U2SURP: variants seen among roughly 807,000 people sequenced by gnomAD.
U2SURP encodes the protein U2 snRNP-associated SURP motif-containing protein.
U2SURP carries 9 observed loss-of-function variants against 144.9 expected under a neutral mutation model. The observed-to-expected ratio is 0.06, with a 90% confidence interval of 0.04 to 0.11. U2SURP has a LOEUF of 0.11. Among genes scored for constraint, U2SURP ranks in the 10% least tolerant of loss-of-function variants. The probability of loss-of-function intolerance (pLI) is 1.00; values close to 1 mark genes in which losing one functional copy is unlikely to be tolerated. For synonymous variants in U2SURP, 408 were observed against 396.8 expected (o/e 1.03, Z -0.33); for missense variants, 724 against 1,226.7 (o/e 0.59, Z 6.12).
chr3:143,046,236 A>G (rs979047174), intron 24 of U2SURP, among the ~76,000 whole-genome samples: 9 of 111,074 alleles, frequency 8.1e-5, no homozygotes, highest in Admixed American at 1.7e-4. Flanking sequence ...TCTTGTACCT[A>G]TATGATGTTG....
intron 13 of U2SURP, among the ~76,000 whole-genome samples, 171 bp downstream of exon 13, chr3:143,024,189 A>G (rs112510877): frequency 0.026 from 3,982 of 152,150 alleles, 173 homozygotes; most frequent in African/African-American, 0.088. Flanking sequence ...ATACTTTGCA[A>G]TTTTATGTCA....
chr3:143,043,772 A>AT (rs559942509), intron 24 of U2SURP, among the ~76,000 whole-genome samples: 6,585 of 140,668 alleles, frequency 0.047, 270 homozygotes, highest in African/African-American at 0.1. Context: ...TGAGAAATCC[A>AT]TTTTTTTTTT....
chr3:143,024,138 A>G (rs1578133461), intron 13 of U2SURP, 120 bp downstream of exon 13: 1 of 886,500 alleles, frequency 1.1e-6, no homozygotes, highest in East Asian at 2.5e-5. Context: ...CCTTCCCAGT[A>G]CTTTTTGCGG....
intron 25 of U2SURP, 122 bp from the exon 26 acceptor site, chr3:143,053,554 T>A: frequency 1.4e-6 from 1 of 715,878 alleles, no homozygotes; most frequent in Non-Finnish European, 2.1e-6. Context: ...TTTTTAATAG[T>A]ATTGTACCTT....
In U2SURP at chr3:143,044,289, C is replaced by CTTTTTTTTTTTTTTTTTTTTTTT. The variant is rs56916268; in HGVS notation, c.2544+1030_2544+1031insTTTTTTTTTTTTTTTTTTTTTTT. Among the ~76,000 whole-genome samples, 11 of 81,376 alleles carry CTTTTTTTTTTTTTTTTTTTTTTT rather than the reference C, an allele frequency of 1.4e-4. 1 individual carries two copies. The highest frequency in any genetic ancestry group is 6.4e-4 in the African/African-American group (11 of 17,294). The allele number at this position is 81,376 out of a possible 152,430, so 53.4% of individuals were successfully genotyped here. A position where few individuals can be genotyped will look rare whatever the true frequency, so the allele number is the denominator to read the frequency against. On this transcript the variant is annotated intron_variant, in intron 24 of 27. Coordinates refer to ENST00000473835, the MANE Select transcript of U2SURP (RefSeq NM_001080415.2). ...TTTCCCTTTTCCCCTCTCCCCTCTC[C>CTTTTTTTTTTTTTTTTTTTTTTT]TTTTTTTTTTTTTTTTTGAGACGGG...
chr3:143,021,313 T>C, intron 8 of U2SURP, 37 bp from the exon 9 acceptor site: 2 of 1,562,464 alleles, frequency 1.3e-6, no homozygotes, highest in Non-Finnish European at 8.7e-7. Context: ...TACTGTATTA[T>C]AAAAACTAAT....
At chr3:143,051,136 C>A in intron 25 of U2SURP, 87 bp downstream of exon 25, 1 of 730,484 alleles carries the variant, frequency 1.4e-6, no homozygotes, top group Middle Eastern at 2.9e-4. Flanking sequence ...AAGATGATTT[C>A]AAATTATATC....
chr3:143,006,380 GACAAGTCAAGTATATTGAGACTC>G (rs1435366133), intron 1 of U2SURP, among the ~76,000 whole-genome samples: 1 of 152,166 alleles, frequency 6.6e-6, no homozygotes, highest in Non-Finnish European at 1.5e-5. Context: ...CACTTGTTCT[GACAAGTCAAGTATATTGAGACTC>G]TGTCGCTTGC....
At chr3:143,052,950 G>T (rs1426982860) in intron 25 of U2SURP, among the ~76,000 whole-genome samples, 17 of 132,920 alleles carry the variant, frequency 1.3e-4, no homozygotes, top group Non-Finnish European at 1.7e-4. Context: ...AAATGTGTTG[G>T]TTTTTTTTTT....
chr3:143,038,856 ACCT>A, intron 22 of U2SURP, 35 bp from the exon 23 acceptor site: 2 of 1,469,702 alleles, frequency 1.4e-6, no homozygotes, highest in Non-Finnish European at 1.8e-6. Context: ...ATGCTAGTTT[ACCT>A]CGTGGAATTA....
rs772938957 is a variant in U2SURP at position 143,060,724 on chromosome 3, G to T, written c.*4274G>T. ...TAATCATATGTTTTCATGCTAGATG[G>T]TTCTCTTGGTTAGGAAAGTTCATTT... On this transcript the variant is annotated 3_prime_UTR_variant, in exon 28 of 28. Coordinates refer to ENST00000473835, the MANE Select transcript of U2SURP (RefSeq NM_001080415.2). Among the ~76,000 whole-genome samples, 9 of 151,904 alleles carry T rather than the reference G, an allele frequency of 5.9e-5. No individual in the cohort carries two copies. Among genetic ancestry groups the T allele is most frequent in the Non-Finnish European group, 8.8e-5 (6 of 67,846 alleles).
chr3:143,008,621 G>C (rs937986827), intron 1 of U2SURP, among the ~76,000 whole-genome samples: 1 of 152,122 alleles, frequency 6.6e-6, no homozygotes, highest in African/African-American at 2.4e-5. Flanking sequence ...GATTTTTCTC[G>C]AAGTTTTTGT....
rs776917731 is a variant in U2SURP at position 143,020,186 on chromosome 3, AT to A, written c.638+151del. 146 of 533,244 alleles carry A rather than the reference AT, an allele frequency of 2.7e-4. 1 individual carries two copies. The highest frequency in any genetic ancestry group is 4.4e-4 in the Middle Eastern group (1 of 2,292). 33.0% of individuals were successfully genotyped at this position (533,244 alleles called of 1,614,324 possible). On this transcript the variant is annotated intron_variant, in intron 7 of 27. Transcript: ENST00000473835. ...TAGATATTATAATATTTGGTGGGCT[AT>A]CTTTGAAAATAAATTAGCATTTAGT...
At chr3:143,011,868 C>CT in intron 2 of U2SURP, 3 of 440,432 alleles carry the variant, frequency 6.8e-6, no homozygotes, top group Admixed American at 5.4e-5. Context: ...AAACTAGCTG[C>CT]TTTTTTCATG....
intron 27 of U2SURP, among the ~76,000 whole-genome samples, chr3:143,055,419 A>G (rs1251993221): frequency 6.6e-6 from 1 of 152,132 alleles, no homozygotes; most frequent in Non-Finnish European, 1.5e-5. Flanking sequence ...TAGTTTCTAT[A>G]GAATATTATT....
At chr3:143,049,099 A>AG (rs1934702829) in intron 24 of U2SURP, among the ~76,000 whole-genome samples, 1 of 151,370 alleles carries the variant, frequency 6.6e-6, no homozygotes, top group Admixed American at 6.6e-5. Context: ...TGCTTAAAAA[A>AG]AAAAAAAAAA....
In U2SURP at chr3:143,053,698, G is replaced by T; in HGVS notation, c.2678G>T (p.Arg893Ile). 1 of 1,523,120 alleles carries T rather than the reference G, an allele frequency of 6.6e-7. No homozygotes were observed. The allele number at this position is 1,523,120 out of a possible 1,614,324, so 94.4% of individuals were successfully genotyped here. A position where few individuals can be genotyped will look rare whatever the true frequency, so the allele number is the denominator to read the frequency against. ...LQREKEKELE[R>I]ERERDKKDKE... ...CAGGAGAAAGAGAAAGAGTTAGAAA[G>T]AGAACGAGAAAGAGACAAGAAAGAT... Residue 893 changes from arginine to isoleucine, a missense_variant, in exon 26 of 28, where the codon AGA (arginine) becomes ATA (isoleucine). By Grantham distance (97) the Arg-to-Ile change is moderately conservative. Coordinates refer to ENST00000473835, the MANE Select transcript of U2SURP (RefSeq NM_001080415.2).
At chr3:143,051,602 C>CAAAAAAAAA (rs3041537) in intron 25 of U2SURP, among the ~76,000 whole-genome samples, 3 of 90,624 alleles carry the variant, frequency 3.3e-5, no homozygotes, top group Non-Finnish European at 2.1e-5. Context: ...ACTGTCGTTG[C>CAAAAAAAAA]AAAAAAAAAA....
chr3:143,030,662 CTG>C (rs1933427138), intron 16 of U2SURP, among the ~76,000 whole-genome samples: 1 of 152,114 alleles, frequency 6.6e-6, no homozygotes, highest in African/African-American at 2.4e-5. Context: ...TTTCATAAGG[CTG>C]TGGCTGCCAT....
Sources: gnomAD v4.1 joint callset for allele counts (sites outside exome capture counted in the v4.1 genomes callset) on GRCh38, gnomAD v4.1.1 for gene constraint, MANE v1.5 for transcripts, NCBI Gene and HGNC (gene_info 2026-07-23, HGNC 2026-07-21) for gene names.